Variants in HDAC9 observed in about 807,000 individuals in gnomAD.
HDAC9 encodes histone deacetylase 9, also known as MEF-2 interacting transcription repressor (MITR) protein.
Under a neutral mutation model 139.4 loss-of-function variants are expected in HDAC9, and 41 were observed. That is an observed-to-expected ratio of 0.29 (90% confidence interval 0.23 to 0.38). HDAC9 has a LOEUF of 0.38. HDAC9 is among the 10% of genes least tolerant of loss of function. HDAC9 has a pLI of 1.00. For synonymous variants in HDAC9, 517 were observed against 476.2 expected, an observed-to-expected ratio of 1.09 and a Z score of -1.12; for missense variants, 1,147 against 1,297.0, an observed-to-expected ratio of 0.88 and a Z score of 1.78.
intron 12 of HDAC9, among the ~76,000 whole-genome samples, chr7:18,686,158 A>G (rs1315803234): frequency 2.0e-5 from 3 of 151,996 alleles, no homozygotes; most frequent in Non-Finnish European, 4.4e-5. Flanking sequence ...ATACAGTAAC[A>G]GACACTCAGG....
At chr7:18,867,021 C>T (rs993286638) in intron 21 of HDAC9, among the ~76,000 whole-genome samples, 2 of 152,172 alleles carry the variant, frequency 1.3e-5, no homozygotes, top group Non-Finnish European at 2.9e-5. Context: ...TTCTTTTCTG[C>T]TTACTGTGTT....
At chr7:18,424,054 T>G (rs1789886456) in intron 1 of HDAC9, among the ~76,000 whole-genome samples, 4 of 152,206 alleles carry the variant, frequency 2.6e-5, no homozygotes, top group Admixed American at 2.6e-4. Context: ...TATGCAGTAA[T>G]TTTATATTCA....
chr7:18,849,748 T>A (rs1797148473), intron 21 of HDAC9, among the ~76,000 whole-genome samples: 1 of 152,122 alleles, frequency 6.6e-6, no homozygotes, highest in Non-Finnish European at 1.5e-5. Flanking sequence ...TTCCATTAAG[T>A]TCATACTCTC....
At chr7:18,979,529 T>C (rs931464556) in intron 25 of HDAC9, among the ~76,000 whole-genome samples, 2 of 152,192 alleles carry the variant, frequency 1.3e-5, no homozygotes, top group African/African-American at 2.4e-5. Flanking sequence ...TTAGACAACT[T>C]AGATAACTAA....
chr7:18,690,699 CTAAT>C (rs1455202975), intron 12 of HDAC9, among the ~76,000 whole-genome samples: 2 of 151,830 alleles, frequency 1.3e-5, no homozygotes, highest in Admixed American at 1.3e-4. Context: ...AAAGAGAAGT[CTAAT>C]TATTTTGAGA....
At chr7:18,885,179 C>G (rs944859389) in intron 22 of HDAC9, among the ~76,000 whole-genome samples, 2 of 152,192 alleles carry the variant, frequency 1.3e-5, no homozygotes, top group African/African-American at 4.8e-5. Context: ...ACAGCCTGGT[C>G]GTCCAGCAGA....
intron 1 of HDAC9, among the ~76,000 whole-genome samples, chr7:18,359,225 G>A (rs1783577474): frequency 6.6e-6 from 1 of 152,242 alleles, no homozygotes; most frequent in African/African-American, 2.4e-5. Flanking sequence ...GCGTGGTGGT[G>A]CACACCCAGC....
chr7:18,830,678 C>G (rs73312685), intron 19 of HDAC9, among the ~76,000 whole-genome samples: 3,577 of 152,216 alleles, frequency 0.023, 155 homozygotes, highest in African/African-American at 0.08. Flanking sequence ...TGCTTCGTTG[C>G]AATGGGTATT....
intron 6 of HDAC9, among the ~76,000 whole-genome samples, chr7:18,625,748 C>A (rs1012307981): frequency 6.6e-6 from 1 of 151,812 alleles, no homozygotes; most frequent in African/African-American, 2.4e-5. Context: ...AGTTCGAGAC[C>A]ATCCTGGCCA....
At chr7:18,443,771 TTA>T (rs1792012802) in intron 1 of HDAC9, among the ~76,000 whole-genome samples, 1 of 151,652 alleles carries the variant, frequency 6.6e-6, no homozygotes, top group African/African-American at 2.4e-5. Context: ...CACACAAACA[TTA>T]TGTTCTTTCT....
At chr7:18,329,590 A>G (rs73074239) in intron 1 of HDAC9, among the ~76,000 whole-genome samples, 3 of 151,006 alleles carry the variant, frequency 2.0e-5, no homozygotes, top group Admixed American at 6.6e-5. Flanking sequence ...AATGAACTGT[A>G]TAATTCAATG....
intron 12 of HDAC9, among the ~76,000 whole-genome samples, chr7:18,697,853 G>T (rs1207768238): frequency 6.6e-6 from 1 of 151,884 alleles, no homozygotes; most frequent in Non-Finnish European, 1.5e-5. Context: ...AGGGTTGGAT[G>T]TTATTTTAGG....
At chr7:18,727,056 A>G (rs1785605672) in intron 12 of HDAC9, among the ~76,000 whole-genome samples, 1 of 152,242 alleles carries the variant, frequency 6.6e-6, no homozygotes, top group Non-Finnish European at 1.5e-5. Context: ...ATACCAATAT[A>G]TGAAGACTGA....
chr7:18,656,064 A>G (rs1371664182), intron 11 of HDAC9, among the ~76,000 whole-genome samples: 1 of 139,454 alleles, frequency 7.2e-6, no homozygotes, highest in Non-Finnish European at 1.5e-5. Context: ...TTTTTTTTGC[A>G]TATTTTGGTA....
chr7:18,974,525 A>T (rs571840437), intron 24 of HDAC9, among the ~76,000 whole-genome samples: 1 of 152,304 alleles, frequency 6.6e-6, no homozygotes, highest in Non-Finnish European at 1.5e-5. Context: ...TAGTTTTTGG[A>T]TTCATTGACA....
intron 2 of HDAC9, among the ~76,000 whole-genome samples, chr7:18,273,289 G>A (rs551039508): frequency 6.6e-6 from 1 of 151,610 alleles, no homozygotes; most frequent in Non-Finnish European, 1.5e-5. Flanking sequence ...GGCTGGTCCC[G>A]AACTCCTGGC....
intron 2 of HDAC9, among the ~76,000 whole-genome samples, chr7:18,246,156 A>T (rs1794510937): frequency 6.7e-6 from 1 of 148,338 alleles, no homozygotes; most frequent in African/African-American, 2.5e-5. Context: ...GGGAAAAAGA[A>T]GGGTTGAGCA....
At chr7:18,181,568 A>G (rs1478895388) in intron 2 of HDAC9, among the ~76,000 whole-genome samples, 1 of 152,226 alleles carries the variant, frequency 6.6e-6, no homozygotes, top group African/African-American at 2.4e-5. Flanking sequence ...AGGTCAAAGC[A>G]CGCATCAGCT....
intron 2 of HDAC9, among the ~76,000 whole-genome samples, chr7:18,249,643 C>T (rs1161203431): frequency 1.3e-5 from 2 of 151,928 alleles, no homozygotes; most frequent in Non-Finnish European, 2.9e-5. Flanking sequence ...TCCCCACAGG[C>T]ACCTACCATT....
Sources: allele counts gnomAD v4.1 joint callset (sites outside exome capture counted in the v4.1 genomes callset), GRCh38; gene constraint gnomAD v4.1.1; transcripts MANE v1.5; gene names NCBI Gene and HGNC (gene_info 2026-07-23, HGNC 2026-07-21).